The following WDR37 variants were observed in gnomAD, a reference collection of about 807,000 sequenced individuals.
WDR37 encodes the protein WD repeat domain 37, also known as WD repeat-containing protein 37.
A neutral mutation model predicts 62.9 loss-of-function variants in WDR37; 19 were observed. That is an observed-to-expected ratio of 0.30 (90% CI 0.21 to 0.44). WDR37 has a LOEUF of 0.44. Among genes scored for constraint, WDR37 ranks in the 20% least tolerant of loss-of-function variants. The probability of loss-of-function intolerance (pLI) is 1.00; values close to 1 mark genes in which losing one functional copy is unlikely to be tolerated. For synonymous variants in WDR37, 250 were observed against 260.9 expected (o/e 0.96, Z 0.40); for missense variants, 474 against 657.6 (o/e 0.72, Z 3.05).
chr10:1,069,982 G>C (rs1453366011), intron 1 of WDR37, among the ~76,000 whole-genome samples: 1 of 152,042 alleles, frequency 6.6e-6, no homozygotes, highest in Non-Finnish European at 1.5e-5. Context: ...GAGGTGGGTG[G>C]ATCACCTGAG....
At chr10:1,128,839 T>C (rs867818125) in intron 13 of WDR37, among the ~76,000 whole-genome samples, 18 of 150,768 alleles carry the variant, frequency 1.2e-4, no homozygotes, top group Middle Eastern at 3.4e-3. Flanking sequence ...CCATGCTCGG[T>C]GGTCCTGCTC....
chr10:1,087,218 ACCC>A (rs1474578894), intron 7 of WDR37, among the ~76,000 whole-genome samples: 1 of 150,818 alleles, frequency 6.6e-6, no homozygotes, highest in Admixed American at 6.6e-5. Flanking sequence ...CCCGTGTTAG[ACCC>A]CCTCCTCCGT....
chr10:1,076,145 G>A (rs4880472), intron 2 of WDR37, among the ~76,000 whole-genome samples: 150,883 of 152,124 alleles, frequency 0.99, 74,833 homozygotes, highest in Middle Eastern at 1. Flanking sequence ...TTTTTTTTCC[G>A]TGTTCTTCAT....
chr10:1,083,447 A>C (rs757080114), intron 5 of WDR37, among the ~76,000 whole-genome samples: 1 of 152,236 alleles, frequency 6.6e-6, no homozygotes, highest in Non-Finnish European at 1.5e-5. Flanking sequence ...TGTGTTTTTC[A>C]GGGCTATGCC....
chr10:1,059,100 G>A (rs942216200), intron 1 of WDR37, among the ~76,000 whole-genome samples: 1 of 152,192 alleles, frequency 6.6e-6, no homozygotes, highest in African/African-American at 2.4e-5. Flanking sequence ...TGTTGGCAGG[G>A]CGTGGTGGCT....
chr10:1,082,287 G>A (rs187767007), intron 5 of WDR37, among the ~76,000 whole-genome samples: 1 of 152,296 alleles, frequency 6.6e-6, no homozygotes, highest in African/African-American at 2.4e-5. Flanking sequence ...TAACGTGCCT[G>A]GTGGGATAGC....
At position 1,077,907 on chromosome 10, in the gene WDR37, G is replaced by A. The variant is rs1228396408; in HGVS notation, c.139G>A (p.Asp47Asn). The A allele has an allele frequency of 6.2e-7, 1 of 1,606,194 alleles. No individual in the cohort carries two copies. Among genetic ancestry groups the A allele is most frequent in the Non-Finnish European group, 8.5e-7 (1 of 1,177,300 alleles). ...TTTTAAACAAAGTCTTCTTCTGCAG[G>A]ATTCTAAACTGCCTTCCTCGGTTCG... ...GLPRDMLEGQ[D>N]SKLPSSVRST... The change falls in exon 3 of 14, where the codon GAT (aspartate) becomes AAT (asparagine). Residue 47 changes from aspartate (D) to asparagine (N), a missense_variant and splice_region_variant. By Grantham distance (23) the Asp-to-Asn change is conservative (BLOSUM62 1). Transcript: ENST00000263150.
intron 13 of WDR37, 86 bp downstream of exon 13, chr10:1,125,110 CT>C: frequency 6.6e-7 from 1 of 1,513,222 alleles, no homozygotes; most frequent in Non-Finnish European, 8.9e-7. Context: ...CTTACTAAGT[CT>C]TTGCATGCTA....
chr10:1,113,755 G>C (rs865794444), intron 11 of WDR37, among the ~76,000 whole-genome samples: 4 of 152,170 alleles, frequency 2.6e-5, no homozygotes, highest in Admixed American at 1.3e-4. Context: ...AATTTGAATG[G>C]ACGAGGAACT....
At position 1,086,376 on chromosome 10, in the gene WDR37, G is replaced by A. The variant is rs747659515; in HGVS notation, c.604+19G>A. ...GGCTCAGGTAAGCACTGCCTAAGGA[G>A]TGCCGTAGCCAGAGGCCGTTGCCTT... is the stretch of plus-strand genomic sequence containing the variant. On this transcript the variant is annotated intron_variant, in intron 7 of 13. Transcript: ENST00000263150. 1.2e-6 allele frequency: 2 copies of A among 1,608,266 alleles called. No individual in the cohort carries two copies. Among genetic ancestry groups the A allele is most frequent in the African/African-American group, 1.3e-5 (1 of 74,762 alleles).
Position 1,121,997 on chromosome 10 carries a change from C to T in WDR37, c.1104-2221C>T, listed in dbSNP as rs1432083807. On this transcript the variant is annotated intron_variant, in intron 11 of 13. Coordinates refer to ENST00000263150, the MANE Select transcript of WDR37 (RefSeq NM_014023.4). The surrounding 1 kb of genome is among the most constrained non-coding windows in gnomAD (Gnocchi z 4.5). ...TTGTCTTAATGCAGTGGAACTTAGA[C>T]GTAATTAGGACTCAGCTGGTGTCCA... Among the ~76,000 whole-genome samples the T allele has an allele frequency of 2.0e-5, 3 of 152,016 alleles. No homozygotes were observed. The highest frequency in any genetic ancestry group is 6.6e-5 in the Admixed American group (1 of 15,256).
chr10:1,119,410 T>G (rs903094087), intron 11 of WDR37, among the ~76,000 whole-genome samples: 1 of 152,212 alleles, frequency 6.6e-6, no homozygotes, highest in Non-Finnish European at 1.5e-5. Context: ...AGAATCTTAT[T>G]TTTGGCCGGA....
At chr10:1,125,139 C>T in intron 13 of WDR37, 115 bp downstream of exon 13, 2 of 1,466,798 alleles carry the variant, frequency 1.4e-6, no homozygotes, top group South Asian at 2.8e-5. Context: ...CTTGGAAATG[C>T]TTGAGCTGTA....
rs141413817 is a variant in WDR37 at position 1,074,121 on chromosome 10, A to C, written c.138+1828A>C. On this transcript the variant is annotated intron_variant, in intron 2 of 13. Transcript: ENST00000263150. Reference sequence around the variant, plus strand: ...ATTTTTAAAACTTTTAATTACATTGAAATTTACATAGTCAGATGTGGCAAG... The same window carrying C: ...ATTTTTAAAACTTTTAATTACATTGCAATTTACATAGTCAGATGTGGCAAG... 7.9e-5 allele frequency among the ~76,000 whole-genome samples: 12 copies of C among 152,364 alleles called. No homozygotes were observed. In the East Asian group the frequency reaches 2.3e-3, roughly 29 times the overall value.
In WDR37 at chr10:1,063,414, G is replaced by A. The variant is rs558362655; in HGVS notation, c.-41+6446G>A. ...CACCCTGCTAATCAGAGAACTTTTC[G>A]GCGGTAAGTACTTTCCTCCAGCTAA... On this transcript the variant is annotated intron_variant, in intron 1 of 13. Transcript: ENST00000263150. Among the ~76,000 whole-genome samples, 118 of 152,190 alleles carry A rather than the reference G, an allele frequency of 7.8e-4. 1 individual carries two copies. Among genetic ancestry groups the A allele is most frequent in the Non-Finnish European group, 2.5e-4 (17 of 68,014 alleles).
chr10:1,106,365 C>T (rs902493965), intron 11 of WDR37, among the ~76,000 whole-genome samples: 4 of 152,124 alleles, frequency 2.6e-5, no homozygotes, highest in South Asian at 2.1e-4. Context: ...CTCTCCACCC[C>T]GACGTCTGGA....
At chr10:1,064,771 T>C (rs1589073774) in intron 1 of WDR37, among the ~76,000 whole-genome samples, 1 of 152,058 alleles carries the variant, frequency 6.6e-6, no homozygotes, top group African/African-American at 2.4e-5. Context: ...TTTGTATTTT[T>C]AGTAGAGACG....
chr10:1,100,944 C>T (rs1339733888), intron 9 of WDR37, among the ~76,000 whole-genome samples: 1 of 152,254 alleles, frequency 6.6e-6, no homozygotes, highest in African/African-American at 2.4e-5. Flanking sequence ...CCACCCTGAA[C>T]TTGCTGTCTC....
chr10:1,112,340 T>TA (rs1835242718), intron 11 of WDR37, among the ~76,000 whole-genome samples: 1 of 152,236 alleles, frequency 6.6e-6, no homozygotes, highest in Non-Finnish European at 1.5e-5. Flanking sequence ...ACTTAGTCGA[T>TA]AAATCGTGTG....
Sources: allele counts gnomAD v4.1 joint callset (sites outside exome capture counted in the v4.1 genomes callset), GRCh38; gene constraint gnomAD v4.1.1; non-coding constraint Gnocchi (gnomAD v3.1); transcripts MANE v1.5; gene names NCBI Gene and HGNC (gene_info 2026-07-23, HGNC 2026-07-21).